REXO5: variants seen among roughly 807,000 people sequenced by gnomAD.
The protein encoded by REXO5 is exonuclease NEF-sp.
Under a neutral mutation model 88.5 loss-of-function variants are expected in REXO5, and 48 were observed. The observed-to-expected ratio is 0.54, with a 90% confidence interval of 0.43 to 0.69. The LOEUF (loss-of-function observed/expected upper bound fraction) is 0.69. Among genes scored for constraint, REXO5 ranks in the 30% least tolerant of loss-of-function variants. REXO5 has a pLI of 0.00. For missense variants in REXO5, 749 were observed against 912.2 expected, an observed-to-expected ratio of 0.82 and a Z score of 2.30; for synonymous variants, 311 against 336.5, an observed-to-expected ratio of 0.92 and a Z score of 0.83.
intron 16 of REXO5, among the ~76,000 whole-genome samples, 175 bp downstream of exon 16, chr16:20,844,201 G>A (rs558086230): frequency 2.0e-5 from 3 of 152,274 alleles, no homozygotes; most frequent in South Asian, 2.1e-4. Context: ...AAGACATAAC[G>A]GCTTTCATTT....
intron 2 of REXO5, among the ~76,000 whole-genome samples, chr16:20,811,428 T>C (rs565765616): frequency 1.3e-5 from 2 of 152,348 alleles, no homozygotes; most frequent in Admixed American, 1.3e-4. Context: ...CAATAGGGAA[T>C]GTTTTTCAGA....
intron 13 of REXO5, among the ~76,000 whole-genome samples, chr16:20,836,554 A>G (rs1406507897): frequency 6.6e-6 from 1 of 152,198 alleles, no homozygotes; most frequent in Non-Finnish European, 1.5e-5. Flanking sequence ...GCTGCTTCCA[A>G]GTTTTGGCAA....
At chr16:20,823,368 C>T (rs1363988272) in intron 6 of REXO5, 1 of 152,092 alleles carries the variant, frequency 6.6e-6, no homozygotes, top group Non-Finnish European at 1.5e-5. Context: ...AACTGGCAGT[C>T]CTATGATATA....
Position 20,827,083 on chromosome 16 carries a change from C to T in REXO5, c.847C>T (p.Leu283Phe), listed in dbSNP as rs1567395576. ...CTTTTCGGGAATCACGAAGAAGATT[C>T]TTAACCCAGTGACGACCAAACTCAA... ...TSFSGITKKI[L>F]NPVTTKLKDV... The change falls in exon 9 of 20, where the codon CTT (leucine) becomes TTT (phenylalanine). Residue 283 changes from leucine to phenylalanine, a missense_variant. Coordinates refer to ENST00000261377, the MANE Select transcript of REXO5 (RefSeq NM_030941.3). 3 of 1,614,008 alleles carry T rather than the reference C, an allele frequency of 1.9e-6. No homozygotes were observed. The highest frequency in any genetic ancestry group is 1.3e-5 in the African/African-American group (1 of 75,028).
intron 13 of REXO5, among the ~76,000 whole-genome samples, chr16:20,838,848 C>G (rs576554909): frequency 6.6e-6 from 1 of 152,110 alleles, no homozygotes; most frequent in Non-Finnish European, 1.5e-5. Flanking sequence ...AAGAGAAGAT[C>G]TGTGGTGTGG....
intron 11 of REXO5, 26 bp downstream of exon 11, chr16:20,828,563 A>T: frequency 6.9e-7 from 1 of 1,458,832 alleles, no homozygotes; most frequent in East Asian, 2.3e-5. Context: ...CAGTGTGTTC[A>T]CCTTTTCTTA....
At chr16:20,844,136 C>A in intron 16 of REXO5, 110 bp downstream of exon 16, 1 of 668,006 alleles carries the variant, frequency 1.5e-6, no homozygotes, top group Admixed American at 2.7e-5. Context: ...ACGCACAAGA[C>A]TTTGTTATGG....
At chr16:20,838,105 C>T (rs1195467215) in intron 13 of REXO5, among the ~76,000 whole-genome samples, 2 of 152,068 alleles carry the variant, frequency 1.3e-5, no homozygotes, top group African/African-American at 2.4e-5. Flanking sequence ...TTAATATGGT[C>T]TACTATTTTC....
chr16:20,812,631 G>T (rs967702124), intron 2 of REXO5, among the ~76,000 whole-genome samples: 1 of 152,136 alleles, frequency 6.6e-6, no homozygotes, highest in East Asian at 1.9e-4. Flanking sequence ...AGCTTAGGCC[G>T]CATTGATCTA....
intron 12 of REXO5, 129 bp downstream of exon 12, chr16:20,832,388 C>T: frequency 1.9e-6 from 1 of 539,830 alleles, no homozygotes; most frequent in Non-Finnish European, 3.2e-6. Flanking sequence ...ATGATAACAT[C>T]TATCACAAAA....
chr16:20,831,129 C>G (rs1042810668), intron 11 of REXO5, among the ~76,000 whole-genome samples: 1 of 150,764 alleles, frequency 6.6e-6, no homozygotes, highest in African/African-American at 2.4e-5. Flanking sequence ...CTCTGTCCAG[C>G]TACAAATAAC....
chr16:20,819,402 C>T (rs1335799691), intron 5 of REXO5, among the ~76,000 whole-genome samples: 6 of 148,360 alleles, frequency 4.0e-5, no homozygotes, highest in Non-Finnish European at 8.9e-5. Context: ...CCTTTCCTTT[C>T]TTTTCCTTTC....
Position 20,827,451 on chromosome 16 carries a change from G to T in REXO5, c.1055+4G>T, listed in dbSNP as rs757249529. The T allele has an allele frequency of 1.2e-6, 2 of 1,607,048 alleles. No individual in the cohort carries two copies. The highest frequency in any genetic ancestry group is 3.3e-5 in the Admixed American group (2 of 59,902). ...TCTTAGCCAAAGTTATTTTGGGGTA[G>T]GTTTGCTTATATGCTGTAATATTGT... On this transcript the variant is annotated splice_donor_region_variant and intron_variant, in intron 10 of 19. Coordinates refer to ENST00000261377, the MANE Select transcript of REXO5 (RefSeq NM_030941.3).
chr16:20,810,879 C>T (rs534400205), intron 2 of REXO5, among the ~76,000 whole-genome samples: 1 of 152,136 alleles, frequency 6.6e-6, no homozygotes, highest in African/African-American at 2.4e-5. Flanking sequence ...TTTGTGAGCA[C>T]CCTCATCCTA....
chr16:20,820,541 TATA>T lies in REXO5; in HGVS notation c.476-1220_476-1218del, dbSNP rs1407214447. Among the ~76,000 whole-genome samples, 20 of 10,472 alleles carry T rather than the reference TATA, an allele frequency of 1.9e-3. 1 individual carries two copies. The highest frequency in any genetic ancestry group is 2.8e-3 in the East Asian group (1 of 352). The allele number at this position is 10,472 out of a possible 152,430, so 6.9% of individuals were successfully genotyped here. ...ATATATATATATATATATATATATA[TATA>T]TTTTTTTTTTTTTTTTTTTTTTTTT... On this transcript the variant is annotated intron_variant, in intron 5 of 19. Transcript: ENST00000261377.
At chr16:20,839,134 A>C (rs565250449) in intron 13 of REXO5, among the ~76,000 whole-genome samples, 4 of 152,308 alleles carry the variant, frequency 2.6e-5, no homozygotes, top group African/African-American at 9.6e-5. Flanking sequence ...AGGAATTTAT[A>C]ATATTGTTCA....
chr16:20,839,108 G>A (rs2081484549), intron 13 of REXO5, among the ~76,000 whole-genome samples: 2 of 152,148 alleles, frequency 1.3e-5, no homozygotes, highest in South Asian at 4.1e-4. Flanking sequence ...ATGATGGTGT[G>A]GTGTTGAGGG....
In REXO5 at chr16:20,839,857, AG is replaced by A; in HGVS notation, c.1488+1del. 6.3e-7 allele frequency: 1 copy of A among 1,588,734 alleles called. No homozygotes were observed. The highest frequency in any genetic ancestry group is 2.2e-5 in the East Asian group (1 of 44,732). On this transcript the variant is annotated frameshift_variant and splice_region_variant, in exon 14 of 20. Transcript: ENST00000261377. LOFTEE classifies it high-confidence loss of function. Reference protein sequence around the residue: ...SPVLTEEMNKRMRIKWTEIST... With the variant: ...SPVLTEEMNKXMRIKWTEIST... ...TGTCCTCACTGAGGAGATGAACAAAAGGGTAAGTGAATGGGTTCTGCTGAAT... is the reference window on the plus strand; with the variant it reads ...TGTCCTCACTGAGGAGATGAACAAAAGGTAAGTGAATGGGTTCTGCTGAAT...
chr16:20,815,101 C>G (rs774713038), intron 4 of REXO5, 48 bp downstream of exon 4: 2 of 1,580,506 alleles, frequency 1.3e-6, no homozygotes, highest in Non-Finnish European at 1.7e-6. Flanking sequence ...TTTTCCCATT[C>G]TGAGACTAAT....
Sources: gnomAD v4.1 joint callset for allele counts (sites outside exome capture counted in the v4.1 genomes callset) on GRCh38, gnomAD v4.1.1 for gene constraint, MANE v1.5 for transcripts, NCBI Gene and HGNC (gene_info 2026-07-23, HGNC 2026-07-21) for gene names.